CDH13: variants seen among roughly 807,000 people sequenced by gnomAD.
CDH13 encodes cadherin 13, also known as cadherin-13.
In CDH13, 24 loss-of-function variants were observed where a neutral mutation model predicts 63.8. That is an observed-to-expected ratio of 0.38 (90% CI 0.27 to 0.53). The LOEUF (loss-of-function observed/expected upper bound fraction) is 0.53, where lower values mean the gene tolerates loss of function less well. Ranked by LOEUF, CDH13 falls within the 20% of genes least tolerant of loss-of-function variation. The probability of loss-of-function intolerance (pLI) is 0.85; values close to 1 mark genes in which losing one functional copy is unlikely to be tolerated. For synonymous variants in CDH13, 503 were observed against 355.3 expected, an observed-to-expected ratio of 1.42 and a Z score of -4.67; for missense variants, 1,049 against 903.1, an observed-to-expected ratio of 1.16 and a Z score of -2.07.
intron 1 of CDH13, among the ~76,000 whole-genome samples, chr16:82,756,142 C>T (rs1158053354): frequency 1.3e-5 from 2 of 152,110 alleles, no homozygotes; most frequent in Non-Finnish European, 1.5e-5. Context: ...GAGGAAGTAG[C>T]TTGTAAAAAG....
intron 1 of CDH13, among the ~76,000 whole-genome samples, chr16:82,780,613 C>G (rs925262588): frequency 2.6e-5 from 4 of 152,202 alleles, no homozygotes; most frequent in Middle Eastern, 6.8e-3. Context: ...AGTAGCATAC[C>G]TAATAGTGGT....
At chr16:83,236,902 A>G (rs1277129393) in intron 5 of CDH13, among the ~76,000 whole-genome samples, 3 of 152,090 alleles carry the variant, frequency 2.0e-5, no homozygotes, top group Admixed American at 2.0e-4. Context: ...GTGGTTCTAC[A>G]ACATCATGAG....
intron 7 of CDH13, among the ~76,000 whole-genome samples, chr16:83,540,327 C>T (rs4581685): frequency 0.18 from 26,628 of 152,072 alleles, 2,656 homozygotes; most frequent in Middle Eastern, 0.23. Flanking sequence ...TCTGCTGCCC[C>T]GAAGGAGTGC....
chr16:83,784,199 G>T (rs578035284), intron 13 of CDH13, among the ~76,000 whole-genome samples: 1 of 152,204 alleles, frequency 6.6e-6, no homozygotes, highest in African/African-American at 2.4e-5. Context: ...GAATTAGGAA[G>T]TTGGGAAATT....
At chr16:83,058,905 T>TTTGC (rs61247823) in intron 3 of CDH13, among the ~76,000 whole-genome samples, 1,656 of 152,298 alleles carry the variant, frequency 0.011, 34 homozygotes, top group African/African-American at 0.039. Flanking sequence ...TTTGCTTTGC[T>TTTGC]TTTTTTAATC....
chr16:82,628,647 C>T (rs952076745), intron 1 of CDH13, among the ~76,000 whole-genome samples: 1 of 152,240 alleles, frequency 6.6e-6, no homozygotes, highest in Non-Finnish European at 1.5e-5. Context: ...CCAGGCTTTT[C>T]TGGTTGATTA....
chr16:83,781,138 C>T (rs912614443), intron 12 of CDH13, among the ~76,000 whole-genome samples: 2 of 152,158 alleles, frequency 1.3e-5, no homozygotes, highest in African/African-American at 4.8e-5. Context: ...AATGTCTCCT[C>T]CCACAAGTCC....
intron 3 of CDH13, among the ~76,000 whole-genome samples, chr16:83,040,154 C>G (rs1472550642): frequency 1.3e-5 from 2 of 151,930 alleles, no homozygotes; most frequent in African/African-American, 4.8e-5. Flanking sequence ...TTTACTACCT[C>G]TGCTCCAGGT....
rs145638359 is a variant in CDH13 at position 82,726,076 on chromosome 16, G to A, written c.45+98939G>A. Reference sequence around the variant, plus strand: ...CTGGTACAGGGTTTCATTAATCATGGGACATTTCTGGTGTACTTGAAAATG... The same window carrying A: ...CTGGTACAGGGTTTCATTAATCATGAGACATTTCTGGTGTACTTGAAAATG... On this transcript the variant is annotated intron_variant, in intron 1 of 13. Coordinates refer to ENST00000567109, the MANE Select transcript of CDH13 (RefSeq NM_001257.5). Among the ~76,000 whole-genome samples, 3 of 152,202 alleles carry A rather than the reference G, an allele frequency of 2.0e-5. No homozygotes were observed. The East Asian group carries it at 5.8e-4, about 29-fold the overall frequency.
At chr16:83,008,141 A>G (rs1440346405) in intron 2 of CDH13, among the ~76,000 whole-genome samples, 3 of 152,212 alleles carry the variant, frequency 2.0e-5, no homozygotes, top group African/African-American at 7.2e-5. Context: ...CCTTAAGCTT[A>G]CATTCTCGTG....
At chr16:82,984,640 G>C (rs141727450) in intron 2 of CDH13, among the ~76,000 whole-genome samples, 38 of 152,252 alleles carry the variant, frequency 2.5e-4, no homozygotes, top group African/African-American at 8.9e-4. Context: ...TCTGAAGAAG[G>C]TTCAGCTATG....
chr16:82,649,015 C>T (rs991535534), intron 1 of CDH13, among the ~76,000 whole-genome samples: 6 of 152,030 alleles, frequency 3.9e-5, no homozygotes, highest in Non-Finnish European at 8.8e-5. Flanking sequence ...AGAAAAGTGC[C>T]AGAAATGATT....
intron 1 of CDH13, among the ~76,000 whole-genome samples, chr16:82,815,708 A>C (rs1266517305): frequency 6.6e-6 from 1 of 152,156 alleles, no homozygotes; most frequent in Non-Finnish European, 1.5e-5. Context: ...ACCATGAAGA[A>C]CAGTGCCCCT....
chr16:83,383,369 A>G (rs1339763025), intron 6 of CDH13, among the ~76,000 whole-genome samples: 1 of 151,966 alleles, frequency 6.6e-6, no homozygotes, highest in African/African-American at 2.4e-5. Context: ...TTTATAATCA[A>G]ATTTGCAGCA....
chr16:83,669,165 C>T (rs1914275256), intron 8 of CDH13, among the ~76,000 whole-genome samples: 1 of 152,138 alleles, frequency 6.6e-6, no homozygotes, highest in Admixed American at 6.5e-5. Flanking sequence ...GACTGCTTGT[C>T]CCAGAAGACC....
At chr16:83,455,585 C>G (rs182489985) in intron 6 of CDH13, among the ~76,000 whole-genome samples, 1 of 152,278 alleles carries the variant, frequency 6.6e-6, no homozygotes, top group Non-Finnish European at 1.5e-5. Flanking sequence ...TTCTTGTGCT[C>G]TTCTCTGCTT....
chr16:83,426,528 C>CACACAG (rs1005646842), intron 6 of CDH13, among the ~76,000 whole-genome samples: 4 of 151,914 alleles, frequency 2.6e-5, no homozygotes, highest in Non-Finnish European at 5.9e-5. Flanking sequence ...CACACACACA[C>CACACAG]ACACACACAC....
At chr16:83,743,532 CAGAG>C (rs534060126) in intron 10 of CDH13, among the ~76,000 whole-genome samples, 51 of 152,112 alleles carry the variant, frequency 3.4e-4, no homozygotes, top group Non-Finnish European at 6.5e-4. Context: ...AAAGGAATGA[CAGAG>C]GGAGCATCAA....
chr16:83,510,426 A>T (rs1044632852), intron 7 of CDH13, among the ~76,000 whole-genome samples: 3 of 152,222 alleles, frequency 2.0e-5, no homozygotes, highest in African/African-American at 4.8e-5. Flanking sequence ...TAGGTGGACT[A>T]CGTCTAATGG....
Sources: gnomAD v4.1 joint callset for allele counts (sites outside exome capture counted in the v4.1 genomes callset) on GRCh38, gnomAD v4.1.1 for gene constraint, MANE v1.5 for transcripts, NCBI Gene and HGNC (gene_info 2026-07-23, HGNC 2026-07-21) for gene names.